SHROOM2: variants seen among roughly 807,000 people sequenced by gnomAD.
SHROOM2 encodes protein Shroom2.
Under a neutral mutation model 75.9 loss-of-function variants are expected in SHROOM2, and 33 were observed. The ratio of observed to expected loss-of-function variants is 0.43; its 90% confidence interval spans 0.33 to 0.58. The LOEUF (loss-of-function observed/expected upper bound fraction) is 0.58, where lower values mean the gene tolerates loss of function less well. Among genes scored for constraint, SHROOM2 ranks in the 20% least tolerant of loss-of-function variants. SHROOM2 has a pLI of 0.04. For synonymous variants in SHROOM2, 655 were observed against 663.6 expected (o/e 0.99, Z 0.20); for missense variants, 1,434 against 1,461.2 (o/e 0.98, Z 0.30).
intron 1 of SHROOM2, among the ~76,000 whole-genome samples, chrX:9,834,256 TC>T (rs1195968726): frequency 9.1e-6 from 1 of 109,633 alleles, no homozygotes; most frequent in African/African-American, 3.5e-5. Flanking sequence ...ATGGGTTGAG[TC>T]CCATGCACCA....
chrX:9,826,414 T>A (rs920131563), intron 1 of SHROOM2, among the ~76,000 whole-genome samples: 3 of 110,354 alleles, frequency 2.7e-5, no homozygotes, highest in Non-Finnish European at 3.8e-5. Context: ...ATCATTTTCC[T>A]TTTTTTTTAA....
intron 1 of SHROOM2, among the ~76,000 whole-genome samples, chrX:9,844,217 A>C (rs1879525646): frequency 8.9e-6 from 1 of 111,800 alleles, no homozygotes; most frequent in Non-Finnish European, 1.9e-5. Context: ...GCACCCTAAA[A>C]ATAAATATTT....
chrX:9,937,816 C>T, intron 7 of SHROOM2, 131 bp downstream of exon 7: 1 of 575,163 alleles, frequency 1.7e-6, no homozygotes, highest in Non-Finnish European at 2.7e-6. Flanking sequence ...AAGGGCTCCT[C>T]GATGCTTAGC....
rs141585751 is a variant in SHROOM2 at position 9,908,753 on chromosome X, A to G, written c.2891+10463A>G. On this transcript the variant is annotated intron_variant, in intron 5 of 9. Coordinates refer to ENST00000380913, the MANE Select transcript of SHROOM2 (RefSeq NM_001649.4). ...GATTGCTTGAGCCCAGGAGTTCAAT[A>G]CCAGCCTGGGCAACATAGTGAGACC... Among the ~76,000 whole-genome samples the G allele has an allele frequency of 6.3e-3, 690 of 109,271 alleles. 5 individuals are homozygous for G. The highest frequency in any genetic ancestry group is 0.023 in the African/African-American group (676 of 29,981). The allele number at this position is 109,271 out of a possible 115,157, so 94.9% of individuals were successfully genotyped here.
chrX:9,935,644 T>C (rs979755822), intron 6 of SHROOM2, among the ~76,000 whole-genome samples: 22 of 111,446 alleles, frequency 2.0e-4, no homozygotes, highest in Non-Finnish European at 3.6e-4. Flanking sequence ...AATACGCAGT[T>C]AGTTCATCTC....
rs2084837761 is a variant in SHROOM2, at chrX:9,948,037, A to G, written c.*1100A>G. 2.7e-5 allele frequency: 3 copies of G among 112,218 alleles called. No homozygotes were observed. In the Admixed American group the frequency reaches 2.8e-4, roughly 11 times the overall value. 9.2% of individuals were successfully genotyped at this position (112,218 alleles called of 1,213,427 possible). A position where few individuals can be genotyped will look rare whatever the true frequency, so the allele number is the denominator to read the frequency against. On this transcript the variant is annotated 3_prime_UTR_variant, in exon 10 of 10. Transcript: ENST00000380913. Reference sequence around the variant, plus strand: ...TGGTTTGTTAAAAGAAAACACTGTCATGCTGTCAGTTCCCAATTGACAAGT... The same window carrying G: ...TGGTTTGTTAAAAGAAAACACTGTCGTGCTGTCAGTTCCCAATTGACAAGT...
intron 1 of SHROOM2, among the ~76,000 whole-genome samples, chrX:9,802,838 G>T (rs1315423868): frequency 3.6e-5 from 4 of 110,669 alleles, no homozygotes; most frequent in African/African-American, 1.3e-4. Flanking sequence ...AACTTGGGCT[G>T]AGAGTGATCT....
At chrX:9,888,601 G>A (rs2084274154) in intron 2 of SHROOM2, among the ~76,000 whole-genome samples, 1 of 110,635 alleles carries the variant, frequency 9.0e-6, no homozygotes, top group Non-Finnish European at 1.9e-5. Context: ...GCGCCACCAC[G>A]CCCGGCTGAT....
intron 1 of SHROOM2, among the ~76,000 whole-genome samples, chrX:9,856,567 T>A (rs2084071481): frequency 8.9e-6 from 1 of 111,936 alleles, no homozygotes; most frequent in Admixed American, 9.5e-5. Context: ...ATGATGAGTC[T>A]TGAGAAATGT....
intron 3 of SHROOM2, among the ~76,000 whole-genome samples, chrX:9,891,890 T>C (rs6640545): frequency 2.1e-4 from 23 of 107,383 alleles, no homozygotes; most frequent in African/African-American, 8.1e-4. Context: ...TGTGTGTGTG[T>C]GTGCGCGTGC....
Position 9,891,124 on chromosome X carries a change from C to G in SHROOM2, c.449+16C>G. 1 of 1,197,537 alleles carries G rather than the reference C, an allele frequency of 8.4e-7. No individual in the cohort carries two copies. The highest frequency in any genetic ancestry group is 1.1e-6 in the Non-Finnish European group (1 of 888,218). On this transcript the variant is annotated intron_variant, in intron 3 of 9. Transcript: ENST00000380913. ...ACCACGCGAGGTAGGCACCCATTCC[C>G]GTCCAGGATGCCAGGTTTGTTCAGC...
At chrX:9,798,095 G>A (rs2083704927) in intron 1 of SHROOM2, among the ~76,000 whole-genome samples, 1 of 111,138 alleles carries the variant, frequency 9.0e-6, no homozygotes, top group Non-Finnish European at 1.9e-5. Flanking sequence ...ACTGGCCTCG[G>A]GAGGAAGGTG....
At chrX:9,786,972 C>G (rs1249287395) in intron 1 of SHROOM2, among the ~76,000 whole-genome samples, 2 of 111,431 alleles carry the variant, frequency 1.8e-5, no homozygotes, top group African/African-American at 3.3e-5. Context: ...AGGGGCCTGG[C>G]CGGGTCCTCT....
intron 5 of SHROOM2, among the ~76,000 whole-genome samples, chrX:9,903,461 A>G (rs1306427174): frequency 2.7e-5 from 3 of 112,520 alleles, no homozygotes; most frequent in Admixed American, 9.4e-5. Flanking sequence ...TTGCGGATGT[A>G]ACACCCTCAC....
At chrX:9,892,266 A>AG (rs1298354721) in intron 3 of SHROOM2, among the ~76,000 whole-genome samples, 34 of 108,687 alleles carry the variant, frequency 3.1e-4, no homozygotes, top group African/African-American at 1.0e-3. Context: ...AAAAAAAAAA[A>AG]AAAAGAAAAG....
At chrX:9,945,366 C>T (rs981426369) in intron 9 of SHROOM2, among the ~76,000 whole-genome samples, 1 of 111,059 alleles carries the variant, frequency 9.0e-6, no homozygotes, top group Non-Finnish European at 1.9e-5. Flanking sequence ...CTACCTCAGC[C>T]TCCCAAAGTG....
intron 1 of SHROOM2, among the ~76,000 whole-genome samples, chrX:9,805,903 CAAAA>C (rs34172058): frequency 1.9e-5 from 1 of 51,845 alleles, no homozygotes. Context: ...AACTGTGTCT[CAAAA>C]AAAAAAAAAA....
At chrX:9,938,377 C>A (rs901164162) in intron 7 of SHROOM2, among the ~76,000 whole-genome samples, 1 of 110,650 alleles carries the variant, frequency 9.0e-6, no homozygotes, top group Non-Finnish European at 1.9e-5. Flanking sequence ...CATGGCAAAA[C>A]CCAGTCTCTA....
Position 9,898,191 on chromosome X carries a change from A to G in SHROOM2, c.2792A>G (p.Glu931Gly). ...SSPSTDHYKQ[E>G]ASVELRRQAG... ...GTCTCATTATGTTGCCCTTTGCAGG[A>G]AGCTTCTGTCGAACTGCGAAGGCAG... Residue 931 changes from glutamate to glycine, a missense_variant and splice_region_variant, in exon 5 of 10, where the codon GAA becomes GGA. Physicochemically the swap from Glu to Gly is moderately conservative, Grantham distance 98. Transcript: ENST00000380913. 8.5e-7 allele frequency: 1 copy of G among 1,178,734 alleles called. No homozygotes were observed. Among genetic ancestry groups the G allele is most frequent in the South Asian group, 1.9e-5 (1 of 53,401 alleles).
Sources: gnomAD v4.1 joint callset for allele counts (sites outside exome capture counted in the v4.1 genomes callset) on GRCh38, gnomAD v4.1.1 for gene constraint, MANE v1.5 for transcripts, NCBI Gene and HGNC (gene_info 2026-07-23, HGNC 2026-07-21) for gene names.